Variants in PCCA observed in about 807,000 individuals in gnomAD.
PCCA encodes the protein propionyl-CoA carboxylase alpha chain, mitochondrial.
In PCCA, 74 loss-of-function variants were observed where a neutral mutation model predicts 101.3. The observed-to-expected ratio is 0.73, with a 90% CI of 0.61 to 0.89. The LOEUF (loss-of-function observed/expected upper bound fraction) is 0.89. PCCA is among the 40% of genes least tolerant of loss of function. The pLI, the probability that PCCA is intolerant of heterozygous loss-of-function variation, is 0.00. For missense variants in PCCA, 891 were observed against 907.0 expected, an observed-to-expected ratio of 0.98 and a Z score of 0.23; for synonymous variants, 294 against 313.6, an observed-to-expected ratio of 0.94 and a Z score of 0.66.
Position 100,264,174 on chromosome 13 carries a change from TATATATGTGATATCTGTATATC to T in PCCA, c.819+1363_819+1384del, listed in dbSNP as rs199788480. 8.6e-3 allele frequency among the ~76,000 whole-genome samples: 981 copies of T among 114,290 alleles called. 225 individuals are homozygous for T. Among genetic ancestry groups the T allele is most frequent in the African/African-American group, 0.027 (903 of 32,896 alleles). 75.0% of individuals were successfully genotyped at this position (114,290 alleles called of 152,430 possible). A position where few individuals can be genotyped will look rare whatever the true frequency, so the allele number is the denominator to read the frequency against. ...GTATATATATGGTATCTGTATATCG[TATATATGTGATATCTGTATATC>T]ATATATGTGATATCTGTATCTCATA... On this transcript the variant is annotated intron_variant, in intron 10 of 23. Transcript: ENST00000376285.
In PCCA at chr13:100,526,354, G is replaced by A. The variant is rs374344900; in HGVS notation, c.2041-1321G>A. Among the ~76,000 whole-genome samples the A allele has an allele frequency of 5.2e-4, 79 of 152,322 alleles. No individual in the cohort carries two copies. The East Asian group carries it at 0.012, about 22-fold the overall frequency. ...GCTTCCAGGCCCAGCTCCTCAGCGC[G>A]GTGTCTCTCCTCCGTGCCAGCGCCA... On this transcript the variant is annotated intron_variant, in intron 22 of 23. Coordinates refer to ENST00000376285, the MANE Select transcript of PCCA (RefSeq NM_000282.4).
At chr13:100,120,908 C>G (rs1288374959) in intron 4 of PCCA, among the ~76,000 whole-genome samples, 1 of 152,078 alleles carries the variant, frequency 6.6e-6, no homozygotes, top group Non-Finnish European at 1.5e-5. Flanking sequence ...ATAGCTATCT[C>G]AACGTTTTTA....
chr13:100,340,530 G>A (rs1253502586), intron 18 of PCCA, among the ~76,000 whole-genome samples: 2 of 152,170 alleles, frequency 1.3e-5, no homozygotes, highest in Admixed American at 6.5e-5. Context: ...AAATCCATTC[G>A]AGTAGTTTGT....
chr13:100,203,166 TG>T (rs1347576258), intron 6 of PCCA, among the ~76,000 whole-genome samples: 1 of 150,394 alleles, frequency 6.6e-6, no homozygotes, highest in African/African-American at 2.4e-5. Flanking sequence ...CCCAGCTACT[TG>T]GGAGGCTGAG....
chr13:100,418,771 T>C (rs961651779), intron 19 of PCCA, among the ~76,000 whole-genome samples: 50 of 150,490 alleles, frequency 3.3e-4, no homozygotes, highest in African/African-American at 1.2e-3. Context: ...GCAGTGGAGG[T>C]TGTAGTGAGC....
chr13:100,437,919 C>T (rs1458628297), intron 20 of PCCA, among the ~76,000 whole-genome samples: 1 of 152,184 alleles, frequency 6.6e-6, no homozygotes, highest in African/African-American at 2.4e-5. Flanking sequence ...ATCTGCCCGC[C>T]TCAGCCTCCC....
chr13:100,467,274 T>C (rs1286263907), intron 21 of PCCA, among the ~76,000 whole-genome samples: 1 of 152,138 alleles, frequency 6.6e-6, no homozygotes, highest in Non-Finnish European at 1.5e-5. Flanking sequence ...AGTTCTTCTG[T>C]GTTGAGGCTT....
Position 100,107,634 on chromosome 13 carries a change from G to GTGAACT in PCCA, c.184-4206_184-4201dup, listed in dbSNP as rs1416058143. Among the ~76,000 whole-genome samples the GTGAACT allele has an allele frequency of 2.6e-5, 4 of 152,328 alleles. No homozygotes were observed. The East Asian group carries it at 7.7e-4, about 29-fold the overall frequency. ...ATATTTCTGACATGAATACCTGGAT[G>GTGAACT]TGAACTCTCTGACTTTGCCACTAGT... On this transcript the variant is annotated intron_variant, in intron 2 of 23. Coordinates refer to ENST00000376285, the MANE Select transcript of PCCA (RefSeq NM_000282.4).
At chr13:100,298,768 C>T (rs2065840314) in intron 12 of PCCA, among the ~76,000 whole-genome samples, 1 of 141,546 alleles carries the variant, frequency 7.1e-6, no homozygotes. Flanking sequence ...CCTTTTGTTC[C>T]TTTATATAAC....
chr13:100,474,802 C>T (rs1376744107), intron 21 of PCCA, among the ~76,000 whole-genome samples: 1 of 152,010 alleles, frequency 6.6e-6, no homozygotes, highest in Non-Finnish European at 1.5e-5. Context: ...TTTTGCAGGC[C>T]AGAATTCTTT....
intron 20 of PCCA, among the ~76,000 whole-genome samples, chr13:100,439,770 A>T (rs1209786572): frequency 6.6e-6 from 1 of 151,972 alleles, no homozygotes; most frequent in Non-Finnish European, 1.5e-5. Flanking sequence ...TCTTCTATCC[A>T]CCTGCTCACA....
intron 21 of PCCA, among the ~76,000 whole-genome samples, chr13:100,504,247 C>T (rs1169467203): frequency 6.6e-6 from 1 of 152,212 alleles, no homozygotes; most frequent in African/African-American, 2.4e-5. Context: ...GAGAAATTAG[C>T]AACATAGTCT....
At chr13:100,514,140 T>G (rs2086670515) in intron 21 of PCCA, among the ~76,000 whole-genome samples, 1 of 152,238 alleles carries the variant, frequency 6.6e-6, no homozygotes, top group African/African-American at 2.4e-5. Context: ...TAATTTCACT[T>G]AAGGAACATA....
chr13:100,378,292 T>G (rs2076040272), intron 19 of PCCA, among the ~76,000 whole-genome samples: 1 of 152,246 alleles, frequency 6.6e-6, no homozygotes, highest in Non-Finnish European at 1.5e-5. Flanking sequence ...TCTGCTAAGA[T>G]GTCGACTGTT....
chr13:100,440,536 A>T (rs2080295716), intron 20 of PCCA, among the ~76,000 whole-genome samples: 1 of 151,982 alleles, frequency 6.6e-6, no homozygotes, highest in African/African-American at 2.4e-5. Context: ...CTGTTTATAG[A>T]TAGTAAAATT....
intron 17 of PCCA, among the ~76,000 whole-genome samples, chr13:100,334,704 A>G (rs1365663245): frequency 6.6e-6 from 1 of 152,248 alleles, no homozygotes; most frequent in Non-Finnish European, 1.5e-5. Context: ...AAAGGAATAA[A>G]TGGAAGTATC....
At chr13:100,483,913 C>A (rs757140688) in intron 21 of PCCA, among the ~76,000 whole-genome samples, 1 of 152,106 alleles carries the variant, frequency 6.6e-6, no homozygotes, top group Non-Finnish European at 1.5e-5. Context: ...GACATTATTA[C>A]CAGAAGGAGT....
chr13:100,236,368 A>ATAC (rs2060797905), intron 8 of PCCA: 1 of 155,976 alleles, frequency 6.4e-6, no homozygotes, highest in Non-Finnish European at 1.4e-5. Context: ...TTGGAATAAA[A>ATAC]GGTAGACTGG....
chr13:100,317,701 C>T (rs1242958888), intron 16 of PCCA, among the ~76,000 whole-genome samples: 2 of 152,182 alleles, frequency 1.3e-5, no homozygotes, highest in African/African-American at 2.4e-5. Flanking sequence ...ATCCTCCCAC[C>T]TCAACCTCCC....
Sources: allele counts gnomAD v4.1 joint callset (sites outside exome capture counted in the v4.1 genomes callset), GRCh38; gene constraint gnomAD v4.1.1; transcripts MANE v1.5; gene names NCBI Gene and HGNC (gene_info 2026-07-23, HGNC 2026-07-21).